Variants in VPS52 observed in about 807,000 individuals in gnomAD.
The protein encoded by VPS52 is VPS52 subunit of GARP complex, also known as vacuolar protein sorting-associated protein 52 homolog.
VPS52 carries 56 observed loss-of-function variants against 98.7 expected under a neutral mutation model. That is an observed-to-expected ratio of 0.57 (90% CI 0.46 to 0.71). The LOEUF is 0.71. Among genes scored for constraint, VPS52 ranks in the 30% least tolerant of loss-of-function variants. VPS52 has a pLI of 0.00. For synonymous variants in VPS52, 348 were observed against 346.4 expected (o/e 1.00, Z -0.05); for missense variants, 742 against 925.9 (o/e 0.80, Z 2.58).
intron 17 of VPS52, among the ~76,000 whole-genome samples, chr6:33,255,741 T>G (rs1762862059): frequency 6.8e-6 from 1 of 147,098 alleles, no homozygotes; most frequent in Admixed American, 7.0e-5. Flanking sequence ...TGCAGTGAGC[T>G]GAGATTGCAC....
Position 33,268,224 on chromosome 6 carries a change from C to A in VPS52, c.700-16G>T, listed in dbSNP as rs983612193. 6 of 1,611,974 alleles carry A rather than the reference C, an allele frequency of 3.7e-6. No individual in the cohort carries two copies. In the African/African-American group the frequency reaches 6.7e-5, roughly 18 times the overall value. On this transcript the variant is annotated splice_polypyrimidine_tract_variant and intron_variant, in intron 7 of 19. Transcript: ENST00000445902. This position sits in a 1 kb window ranked among gnomAD's most constrained non-coding sequence, Gnocchi z 4.0. ...TCGTCACTGCCTAGATGTGGGGAAC[C>A]AAACACAGGGCATGAAGCTGCAACC...
Position 33,268,109 on chromosome 6 carries a change from T to C in VPS52, c.799A>G (p.Arg267Gly). 1 of 1,613,084 alleles carries C rather than the reference T, an allele frequency of 6.2e-7. No homozygotes were observed. Among genetic ancestry groups the C allele is most frequent in the Admixed American group, 1.7e-5 (1 of 60,020 alleles). ...CATGCACTTCCTTGGGGTTGTGACC[T>C]GTACTTCAGCAGGGCCGTCTGGGGG... ...QIPQTALLKY[R>G]FFYQFLLGNE... The change falls in exon 8 of 20, where the codon AGG becomes GGG. Residue 267 changes from arginine to glycine, a missense_variant and splice_region_variant. Physicochemically the swap from Arg to Gly is moderately radical, Grantham distance 125. Coordinates refer to ENST00000445902, the MANE Select transcript of VPS52 (RefSeq NM_022553.6). This position sits in a 1 kb window ranked among gnomAD's most constrained non-coding sequence, Gnocchi z 4.0.
intron 11 of VPS52, 67 bp from the exon 12 acceptor site, chr6:33,266,779 T>C (rs1178610176): frequency 3.3e-6 from 5 of 1,537,854 alleles, no homozygotes; most frequent in Non-Finnish European, 4.4e-6. Context: ...CCCATGGATA[T>C]GGCTGGAAAA....
At chr6:33,258,771 C>G (rs1763299251) in intron 17 of VPS52, among the ~76,000 whole-genome samples, 1 of 152,136 alleles carries the variant, frequency 6.6e-6, no homozygotes. Flanking sequence ...TTCTGCCATG[C>G]TGGCCAGGCT....
chr6:33,269,889 A>G, intron 3 of VPS52, 70 bp from the exon 4 acceptor site: 2 of 1,593,694 alleles, frequency 1.3e-6, no homozygotes, highest in Non-Finnish European at 1.7e-6. Flanking sequence ...GAATCAGTGA[A>G]GGACTAAAGG....
rs1335943228 is a variant in VPS52, at chr6:33,271,662, G to A, written c.14C>T (p.Ala5Val). 13 of 1,608,610 alleles carry A rather than the reference G, an allele frequency of 8.1e-6. No homozygotes were observed. Among genetic ancestry groups the A allele is most frequent in the Non-Finnish European group, 1.1e-5 (13 of 1,177,034 alleles). ...TTCCCGGGCCGCAGCCGCCATGGTCGCAGCGGCGGCCATTCCCCGCAGCCT... is the reference window on the plus strand; with the variant it reads ...TTCCCGGGCCGCAGCCGCCATGGTCACAGCGGCGGCCATTCCCCGCAGCCT... MAAA[A>V]TMAAAARELV... The change falls in exon 1 of 20, where the codon GCG becomes GTG. Residue 5 changes from alanine (A) to valine (V), a missense_variant. Ala to Val is a moderately conservative substitution (Grantham distance 64, BLOSUM62 0). Around this residue, in one of 2 missense-constraint regions of VPS52, gnomAD observed 152 missense variants for 132.6 expected, o/e 1.15. Coordinates refer to ENST00000445902, the MANE Select transcript of VPS52 (RefSeq NM_022553.6).
At chr6:33,252,000 G>A (rs1762315682) in intron 17 of VPS52, 29 bp from the exon 18 acceptor site, 1 of 1,591,126 alleles carries the variant, frequency 6.3e-7, no homozygotes, top group South Asian at 1.1e-5. Context: ...ATATACACAG[G>A]TGTCCTGGTG....
In VPS52 at chr6:33,250,862, C is replaced by CT; in HGVS notation, c.2150dup (p.Lys718GlufsTer3). 1 of 1,612,602 alleles carries CT rather than the reference C, an allele frequency of 6.2e-7. No individual in the cohort carries two copies. Among genetic ancestry groups the CT allele is most frequent in the Non-Finnish European group, 8.5e-7 (1 of 1,179,720 alleles). ...CACATCAGAAGTTGGGCTTATGCTT[C>CT]TTGAGCTCCACCATAAGGTGGTGAA... On this transcript the variant is annotated frameshift_variant, in exon 20 of 20. Coordinates refer to ENST00000445902, the MANE Select transcript of VPS52 (RefSeq NM_022553.6). LOFTEE classifies it high-confidence loss of function.
chr6:33,263,942 C>T, intron 15 of VPS52, 63 bp from the exon 16 acceptor site: 1 of 1,613,552 alleles, frequency 6.2e-7, no homozygotes, highest in East Asian at 2.2e-5. Context: ...CCATCTGGCT[C>T]CTCCTCAGAC....
At chr6:33,264,738 A>G (rs753444447) in intron 13 of VPS52, 44 bp downstream of exon 13, 3 of 1,568,186 alleles carry the variant, frequency 1.9e-6, no homozygotes, top group East Asian at 2.2e-5. Flanking sequence ...CAAGACCAAG[A>G]GAGTTCGTGG....
chr6:33,259,365 T>C lies in VPS52; in HGVS notation c.1794+4119A>G, dbSNP rs1763376440. 2.0e-5 allele frequency among the ~76,000 whole-genome samples: 3 copies of C among 152,192 alleles called. No individual in the cohort carries two copies. The South Asian group carries it at 6.2e-4, about 32-fold the overall frequency. On this transcript the variant is annotated intron_variant, in intron 17 of 19. Coordinates refer to ENST00000445902, the MANE Select transcript of VPS52 (RefSeq NM_022553.6). ...AAAGATCAGGTCGCCTTCAACCATA[T>C]CTATTACTGAAGTTATGCAAACTCT...
Position 33,267,100 on chromosome 6 carries a change from G to C in VPS52, c.1125+88C>G. ...TAAGGGGATTAAGACAGGGCCTGCA[G>C]GTTGGGAAGCTCTGCCCTGAGGTCT... On this transcript the variant is annotated intron_variant, in intron 11 of 19. Coordinates refer to ENST00000445902, the MANE Select transcript of VPS52 (RefSeq NM_022553.6). This position sits in a 1 kb window ranked among gnomAD's most constrained non-coding sequence, Gnocchi z 4.2. 7.0e-7 allele frequency: 1 copy of C among 1,428,268 alleles called. No homozygotes were observed. Among genetic ancestry groups the C allele is most frequent in the Non-Finnish European group, 9.2e-7 (1 of 1,086,228 alleles). 88.5% of individuals were successfully genotyped at this position (1,428,268 alleles called of 1,614,324 possible).
rs1431424886 is a variant in VPS52 at position 33,250,473 on chromosome 6, C to T, written c.*368G>A. The T allele has an allele frequency of 1.4e-5, 3 of 221,768 alleles. No individual in the cohort carries two copies. Among genetic ancestry groups the T allele is most frequent in the African/African-American group, 2.3e-5 (1 of 43,604 alleles). 13.7% of individuals were successfully genotyped at this position (221,768 alleles called of 1,614,324 possible). ...TCCAAGAGCTGAGGAGGCTTCATGC[C>T]TCAGGACATGGTGACTAGTTGAGTG... On this transcript the variant is annotated 3_prime_UTR_variant, in exon 20 of 20. Coordinates refer to ENST00000445902, the MANE Select transcript of VPS52 (RefSeq NM_022553.6).
chr6:33,267,441 GC>G lies in VPS52; in HGVS notation c.992-121del. Reference sequence around the variant, plus strand: ...GCCAGCCCTCTTTCCCAGTACTAGGGCCCCACGTGCTGACATCTGTGAATGG... The same window carrying G: ...GCCAGCCCTCTTTCCCAGTACTAGGGCCCACGTGCTGACATCTGTGAATGG... On this transcript the variant is annotated intron_variant, in intron 10 of 19. Transcript: ENST00000445902. The surrounding 1 kb of genome is among the most constrained non-coding windows in gnomAD (Gnocchi z 4.2). The G allele has an allele frequency of 1.4e-6, 2 of 1,453,390 alleles. No individual in the cohort carries two copies. The highest frequency in any genetic ancestry group is 9.2e-7 in the Non-Finnish European group (1 of 1,084,880). 90.0% of individuals were successfully genotyped at this position (1,453,390 alleles called of 1,614,324 possible). A position where few individuals can be genotyped will look rare whatever the true frequency, so the allele number is the denominator to read the frequency against.
At chr6:33,261,694 C>T (rs1468452914) in intron 17 of VPS52, among the ~76,000 whole-genome samples, 1 of 152,106 alleles carries the variant, frequency 6.6e-6, no homozygotes, top group African/African-American at 2.4e-5. Flanking sequence ...CCATACCCCA[C>T]AAGCACAGGC....
At chr6:33,261,656 A>G (rs1314144401) in intron 17 of VPS52, among the ~76,000 whole-genome samples, 1 of 152,220 alleles carries the variant, frequency 6.6e-6, no homozygotes, top group East Asian at 1.9e-4. Flanking sequence ...AATCTCCAAG[A>G]CACGGGTCTG....
At chr6:33,252,063 G>T in intron 17 of VPS52, 92 bp from the exon 18 acceptor site, 1 of 1,011,662 alleles carries the variant, frequency 9.9e-7, no homozygotes, top group Non-Finnish European at 1.5e-6. Flanking sequence ...CCATCTGAAT[G>T]GCATCTTTCA....
At chr6:33,266,524 G>A in intron 12 of VPS52, 33 bp downstream of exon 12, 3 of 1,546,836 alleles carry the variant, frequency 1.9e-6, no homozygotes, top group South Asian at 1.2e-5. Context: ...TGGGGACAAA[G>A]GTGTTGAATG....
In VPS52 at chr6:33,269,080, C is replaced by T. The variant is rs750380612; in HGVS notation, c.482G>A (p.Arg161His). 15 of 1,612,912 alleles carry T rather than the reference C, an allele frequency of 9.3e-6. No homozygotes were observed. In the East Asian group the frequency reaches 1.1e-4, roughly 12 times the overall value. Residue 161 changes from arginine to histidine, a missense_variant, in exon 6 of 20, where the codon CGC (arginine) becomes CAC (histidine). By Grantham distance (29) the Arg-to-His change is conservative. This residue lies in a region of VPS52 where 590 missense variants were observed against 793.3 expected (regional missense o/e 0.74). Transcript: ENST00000445902. ...SGAMNIRLRN[R>H]QAVRGKLGEL... Reference sequence around the variant, plus strand: ...CCCAAGTTTCCCCCGAACTGCCTGGCGATTTCGAAGTCGAATGTTCATGGC... The same window carrying T: ...CCCAAGTTTCCCCCGAACTGCCTGGTGATTTCGAAGTCGAATGTTCATGGC...
Sources: gnomAD v4.1 joint callset for allele counts (sites outside exome capture counted in the v4.1 genomes callset) on GRCh38, gnomAD v4.1.1 for gene constraint, gnomAD v4.1.1 regional missense constraint, Gnocchi (gnomAD v3.1) non-coding constraint, MANE v1.5 for transcripts, NCBI Gene and HGNC (gene_info 2026-07-23, HGNC 2026-07-21) for gene names.